The following SNX29 variants were observed in gnomAD, a reference collection of about 807,000 sequenced individuals.
SNX29 encodes sorting nexin-29.
SNX29 carries 78 observed loss-of-function variants against 102.1 expected under a neutral mutation model. The observed-to-expected ratio is 0.76, with a 90% CI of 0.64 to 0.92. The LOEUF (loss-of-function observed/expected upper bound fraction) is 0.92, where lower values mean the gene tolerates loss of function less well. SNX29 is among the 40% of genes least tolerant of loss of function. The pLI, the probability that SNX29 is intolerant of heterozygous loss-of-function variation, is 0.00. For synonymous variants in SNX29, 580 were observed against 414.5 expected, an observed-to-expected ratio of 1.40 and a Z score of -4.85; for missense variants, 1,280 against 1,061.7, an observed-to-expected ratio of 1.21 and a Z score of -2.86.
At chr16:12,011,287 T>C (rs2056646093) in intron 3 of SNX29, among the ~76,000 whole-genome samples, 1 of 151,968 alleles carries the variant, frequency 6.6e-6, no homozygotes, top group African/African-American at 2.4e-5. Context: ...CTGATTTTTT[T>C]TTTTTTGAGA....
At chr16:12,387,967 G>A (rs964204348) in intron 16 of SNX29, among the ~76,000 whole-genome samples, 1 of 152,142 alleles carries the variant, frequency 6.6e-6, no homozygotes, top group Admixed American at 6.5e-5. Flanking sequence ...CAAACAGAGA[G>A]CCTCTTCATC....
chr16:12,429,275 CCA>C (rs1307289392), intron 18 of SNX29, among the ~76,000 whole-genome samples: 4 of 152,200 alleles, frequency 2.6e-5, no homozygotes, highest in Non-Finnish European at 5.9e-5. Context: ...GTTAGTCCCA[CCA>C]CACAGACACA....
At chr16:12,430,764 G>A (rs2085277212) in intron 18 of SNX29, among the ~76,000 whole-genome samples, 1 of 152,182 alleles carries the variant, frequency 6.6e-6, no homozygotes, top group Non-Finnish European at 1.5e-5. Context: ...GAGAAGCTGC[G>A]GTGGGAGAAT....
chr16:12,307,786 C>T (rs2080387092), intron 15 of SNX29, among the ~76,000 whole-genome samples: 1 of 152,224 alleles, frequency 6.6e-6, no homozygotes, highest in East Asian at 1.9e-4. Flanking sequence ...ATGTAGCCAT[C>T]AATGGCAAAA....
At chr16:12,173,884 A>G (rs547844825) in intron 13 of SNX29, among the ~76,000 whole-genome samples, 11 of 152,150 alleles carry the variant, frequency 7.2e-5, no homozygotes, top group South Asian at 2.1e-4. Context: ...GCTTCAAGCA[A>G]TTTTCCTGCC....
At chr16:12,438,519 G>A (rs368579582) in intron 18 of SNX29, among the ~76,000 whole-genome samples, 1 of 152,146 alleles carries the variant, frequency 6.6e-6, no homozygotes, top group African/African-American at 2.4e-5. Context: ...AGCAGGAAAA[G>A]GTAGCAGCCT....
chr16:12,556,812 C>T (rs981443004), intron 20 of SNX29, among the ~76,000 whole-genome samples: 19 of 151,946 alleles, frequency 1.3e-4, no homozygotes, highest in Non-Finnish European at 2.5e-4. Flanking sequence ...TACTAAAGTA[C>T]AGAAGCCCAG....
intron 14 of SNX29, among the ~76,000 whole-genome samples, chr16:12,269,954 A>G (rs1157939846): frequency 1.3e-5 from 2 of 151,960 alleles, no homozygotes; most frequent in South Asian, 2.1e-4. Context: ...TCCATCTCCC[A>G]GGTTCAAGCG....
intron 11 of SNX29, among the ~76,000 whole-genome samples, chr16:12,094,920 T>C (rs964994166): frequency 1.3e-5 from 2 of 151,950 alleles, no homozygotes; most frequent in Non-Finnish European, 2.9e-5. Flanking sequence ...TAGGAAAAAA[T>C]GAGCCTAAAG....
chr16:12,200,150 A>C (rs2076877172), intron 14 of SNX29, among the ~76,000 whole-genome samples: 1 of 152,312 alleles, frequency 6.6e-6, no homozygotes, highest in Non-Finnish European at 1.5e-5. Context: ...GTTGGTTGAC[A>C]GCACCTACCT....
At chr16:12,051,451 A>G (rs2050297521) in intron 7 of SNX29, among the ~76,000 whole-genome samples, 1 of 152,168 alleles carries the variant, frequency 6.6e-6, no homozygotes, top group African/African-American at 2.4e-5. Context: ...TTGCACAGGA[A>G]TGGCAGGAGT....
chr16:12,543,291 C>T (rs1280759796), intron 20 of SNX29, among the ~76,000 whole-genome samples: 1 of 152,196 alleles, frequency 6.6e-6, no homozygotes, highest in Non-Finnish European at 1.5e-5. Context: ...GGGTCCGTGC[C>T]TGTGGCCCGG....
At chr16:12,306,651 A>G (rs1406259712) in intron 15 of SNX29, among the ~76,000 whole-genome samples, 1 of 152,220 alleles carries the variant, frequency 6.6e-6, no homozygotes, top group Non-Finnish European at 1.5e-5. Context: ...AATGATGATT[A>G]CACTGAGTTA....
intron 15 of SNX29, among the ~76,000 whole-genome samples, chr16:12,351,609 T>A: frequency 6.6e-6 from 1 of 152,318 alleles, no homozygotes; most frequent in African/African-American, 2.4e-5. Context: ...CCTTTTCTGA[T>A]TTGGCAGGTA....
intron 1 of SNX29, among the ~76,000 whole-genome samples, chr16:11,982,025 C>A (rs1293233644): frequency 1.3e-5 from 2 of 148,686 alleles, no homozygotes; most frequent in Non-Finnish European, 3.0e-5. Context: ...GGCAACATAA[C>A]GAGATCTCAT....
At chr16:12,561,199 C>A (rs1267524242) in intron 20 of SNX29, 1 of 230,582 alleles carries the variant, frequency 4.3e-6, no homozygotes, top group East Asian at 6.1e-5. Context: ...TACTGCCCAT[C>A]AGGACCCCCG....
chr16:12,373,283 C>T (rs28405384), intron 16 of SNX29, among the ~76,000 whole-genome samples: 1 of 152,140 alleles, frequency 6.6e-6, no homozygotes, highest in Non-Finnish European at 1.5e-5. Context: ...CAGGCATGCA[C>T]CACCACACTT....
At chr16:12,162,485 G>A (rs1297293999) in intron 13 of SNX29, among the ~76,000 whole-genome samples, 1 of 152,222 alleles carries the variant, frequency 6.6e-6, no homozygotes, top group Admixed American at 6.5e-5. Flanking sequence ...GAAGTCTGCT[G>A]TTGTAGCAAG....
chr16:12,469,835 A>AC (rs1309256518), intron 18 of SNX29, among the ~76,000 whole-genome samples: 8 of 152,112 alleles, frequency 5.3e-5, no homozygotes, highest in Non-Finnish European at 1.0e-4. Flanking sequence ...ACATGGTGAA[A>AC]CCCCGTCTCT....
Sources: gnomAD v4.1 joint callset for allele counts (sites outside exome capture counted in the v4.1 genomes callset) on GRCh38, gnomAD v4.1.1 for gene constraint, MANE v1.5 for transcripts, NCBI Gene and HGNC (gene_info 2026-07-23, HGNC 2026-07-21) for gene names.